The following KIZ variants were observed in gnomAD, a reference collection of about 807,000 sequenced individuals.
KIZ encodes centrosomal protein kizuna.
In KIZ, 68 loss-of-function variants were observed where a neutral mutation model predicts 79.6. That is an observed-to-expected ratio of 0.85 (90% CI 0.70 to 1.05). KIZ has a LOEUF of 1.05. Among genes scored for constraint, KIZ ranks in the 50% least tolerant of loss-of-function variants. The probability of loss-of-function intolerance (pLI) is 0.00; values close to 1 mark genes in which losing one functional copy is unlikely to be tolerated. For missense variants in KIZ, 797 were observed against 800.4 expected (o/e 1.00, Z 0.05); for synonymous variants, 280 against 281.8 (o/e 0.99, Z 0.06).
chr20:21,162,581 A>G (rs1242415462), intron 5 of KIZ, 74 bp downstream of exon 5: 2 of 1,100,974 alleles, frequency 1.8e-6, no homozygotes, highest in African/African-American at 3.1e-5. Context: ...AAAATATACT[A>G]ATTATCTCTC....
chr20:21,228,890 C>A, intron 9 of KIZ, 121 bp from the exon 10 acceptor site: 2 of 572,754 alleles, frequency 3.5e-6, no homozygotes, highest in Non-Finnish European at 6.2e-6. Flanking sequence ...TAAAAAGTGA[C>A]AGTTCAAAAA....
At chr20:21,141,834 C>G (rs565640266) in intron 3 of KIZ, among the ~76,000 whole-genome samples, 2 of 151,316 alleles carry the variant, frequency 1.3e-5, no homozygotes, top group African/African-American at 4.9e-5. Context: ...CTCTCTCTCT[C>G]TCTCTCTCTC....
At chr20:21,156,755 A>G (rs1009959621) in intron 4 of KIZ, among the ~76,000 whole-genome samples, 1 of 152,178 alleles carries the variant, frequency 6.6e-6, no homozygotes, top group African/African-American at 2.4e-5. Context: ...TTAGTGGTAG[A>G]TAGGCAGGGT....
intron 1 of KIZ, among the ~76,000 whole-genome samples, chr20:21,130,500 A>G (rs2031774285): frequency 6.6e-6 from 1 of 152,220 alleles, no homozygotes; most frequent in Non-Finnish European, 1.5e-5. Flanking sequence ...ACTAATAAAA[A>G]TTTCTAATGT....
Position 21,162,505 on chromosome 20 carries a change from C to A in KIZ, c.1040C>A (p.Ser347Ter). 1 of 1,608,750 alleles carries A rather than the reference C, an allele frequency of 6.2e-7. No individual in the cohort carries two copies. Among genetic ancestry groups the A allele is most frequent in the Non-Finnish European group, 8.5e-7 (1 of 1,176,804 alleles). ...AAGCATTCTCCTTGGGAAGGTGTTT[C>A]AGGTGGGATGAGAGGCTGAGTTTGG... is the stretch of plus-strand genomic sequence containing the variant. Reference protein sequence around the residue: ...QEKHSPWEGVSDHLAHREPKS... With the variant: ...QEKHSPWEGV Residue 347 changes from serine to a stop codon, truncating the protein, a stop_gained and splice_region_variant, in exon 5 of 13, where the codon TCA becomes TAA. Coordinates refer to ENST00000619189, the MANE Select transcript of KIZ (RefSeq NM_018474.6). LOFTEE classifies it high-confidence loss of function.
At chr20:21,136,599 G>GTTTT in intron 3 of KIZ, 47 bp downstream of exon 3, 1 of 1,035,776 alleles carries the variant, frequency 9.7e-7, no homozygotes, top group Non-Finnish European at 1.3e-6. Flanking sequence ...GTTGTTGTGT[G>GTTTT]TTTTTTTTTT....
intron 6 of KIZ, among the ~76,000 whole-genome samples, chr20:21,185,572 G>T (rs2122969116): frequency 6.6e-6 from 1 of 151,424 alleles, no homozygotes; most frequent in African/African-American, 2.4e-5. Flanking sequence ...ACCACACCCG[G>T]CTAATTTTTG....
intron 6 of KIZ, among the ~76,000 whole-genome samples, chr20:21,190,591 C>T (rs1461039341): frequency 6.6e-6 from 1 of 152,186 alleles, no homozygotes; most frequent in Non-Finnish European, 1.5e-5. Context: ...AACTGACAGA[C>T]AATAGTCTGC....
At chr20:21,231,100 A>G (rs1473516837) in intron 10 of KIZ, among the ~76,000 whole-genome samples, 2 of 152,214 alleles carry the variant, frequency 1.3e-5, no homozygotes, top group Non-Finnish European at 2.9e-5. Context: ...TGGGAAGCCA[A>G]GGGAGGCGGA....
chr20:21,142,085 G>GTACACACACACTCTCTCTCACACA (rs1272974461), intron 3 of KIZ, among the ~76,000 whole-genome samples: 5 of 149,166 alleles, frequency 3.4e-5, no homozygotes, highest in Admixed American at 2.0e-4. Context: ...TCCCGCACAC[G>GTACACACACACTCTCTCTCACACA]TACACACACA....
Position 21,163,172 on chromosome 20 carries a change from A to AT in KIZ, c.1352+23dup, listed in dbSNP as rs371455437. ...CACCAACAAGAGAGTAAGCCATTCAATTTTTTTTTTCTACTGTTCTGTTTT... is the reference window on the plus strand; with the variant it reads ...CACCAACAAGAGAGTAAGCCATTCAATTTTTTTTTTTCTACTGTTCTGTTTT... On this transcript the variant is annotated intron_variant, in intron 6 of 12. Coordinates refer to ENST00000619189, the MANE Select transcript of KIZ (RefSeq NM_018474.6). The AT allele has an allele frequency of 8.8e-3, 12,583 of 1,434,596 alleles. 6 individuals are homozygous for AT. Among genetic ancestry groups the AT allele is most frequent in the Non-Finnish European group, 9.9e-3 (10,454 of 1,057,170 alleles). The allele number at this position is 1,434,596 out of a possible 1,614,324, so 88.9% of individuals were successfully genotyped here.
At chr20:21,198,142 A>G (rs2035429855) in intron 6 of KIZ, 1 of 152,190 alleles carries the variant, frequency 6.6e-6, no homozygotes, top group South Asian at 2.1e-4. Flanking sequence ...AGCTCACTGC[A>G]AGCTCCGCCT....
At chr20:21,176,568 GCA>G (rs1491330211) in intron 6 of KIZ, among the ~76,000 whole-genome samples, 3 of 76,198 alleles carry the variant, frequency 3.9e-5, no homozygotes, top group Non-Finnish European at 8.8e-5. Flanking sequence ...CACAAAAAAG[GCA>G]AAAAAAAAAA....
rs746431611 is a variant in KIZ, at chr20:21,214,622, T to C, written c.1534T>C (p.Ser512Pro). 2 of 1,612,564 alleles carry C rather than the reference T, an allele frequency of 1.2e-6. No individual in the cohort carries two copies. The highest frequency in any genetic ancestry group is 1.7e-5 in the Admixed American group (1 of 59,990). Residue 512 changes from serine to proline, a missense_variant, in exon 8 of 13, where the codon TCT (serine) becomes CCT (proline). Coordinates refer to ENST00000619189, the MANE Select transcript of KIZ (RefSeq NM_018474.6). ...HSSESSCSLP[S>P]ILNDNSGIKE... Reference sequence around the variant, plus strand: ...TAGTGAATCATCTTGCAGCTTGCCATCTATTCTGAATGACAATAGTGGAAT... The same window carrying C: ...TAGTGAATCATCTTGCAGCTTGCCACCTATTCTGAATGACAATAGTGGAAT...
At chr20:21,210,665 G>A (rs572486722) in intron 7 of KIZ, among the ~76,000 whole-genome samples, 1 of 152,158 alleles carries the variant, frequency 6.6e-6, no homozygotes, top group East Asian at 1.9e-4. Flanking sequence ...CTTTTGCTAT[G>A]CATGGCCAGA....
At chr20:21,181,562 G>A (rs988447854) in intron 6 of KIZ, among the ~76,000 whole-genome samples, 6 of 151,758 alleles carry the variant, frequency 4.0e-5, no homozygotes, top group South Asian at 4.2e-4. Flanking sequence ...AGGTTCAAGC[G>A]TTTCTCATGC....
At chr20:21,133,971 T>A (rs2032012040) in intron 2 of KIZ, among the ~76,000 whole-genome samples, 1 of 152,184 alleles carries the variant, frequency 6.6e-6, no homozygotes, top group Non-Finnish European at 1.5e-5. Context: ...TGGAGTTAAC[T>A]CCTTTACACA....
chr20:21,163,788 T>C (rs2033806135), intron 6 of KIZ, among the ~76,000 whole-genome samples: 1 of 152,242 alleles, frequency 6.6e-6, no homozygotes, highest in Admixed American at 6.5e-5. Context: ...AAAATTTGTA[T>C]ATGTTTTTGT....
At chr20:21,127,670 T>C (rs963313905) in intron 1 of KIZ, among the ~76,000 whole-genome samples, 12 of 152,332 alleles carry the variant, frequency 7.9e-5, no homozygotes, top group Admixed American at 2.0e-4. Flanking sequence ...AATTTATAAC[T>C]AACTCAAATT....
Sources: allele counts gnomAD v4.1 joint callset (sites outside exome capture counted in the v4.1 genomes callset), GRCh38; gene constraint gnomAD v4.1.1; transcripts MANE v1.5; gene names NCBI Gene and HGNC (gene_info 2026-07-23, HGNC 2026-07-21).